Variants in LEKR1 observed in about 807,000 individuals in gnomAD.
The protein encoded by LEKR1 is leucine, glutamate and lysine rich 1, also known as protein LEKR1.
LEKR1 carries 59 observed loss-of-function variants against 72.4 expected under a neutral mutation model. The observed-to-expected ratio is 0.82, with a 90% CI of 0.66 to 1.01. The LOEUF (loss-of-function observed/expected upper bound fraction) is 1.01, where lower values mean the gene tolerates loss of function less well. Ranked by LOEUF, LEKR1 falls within the 50% of genes least tolerant of loss-of-function variation. LEKR1 has a pLI of 0.00. For missense variants in LEKR1, 728 were observed against 759.2 expected, an observed-to-expected ratio of 0.96 and a Z score of 0.48; for synonymous variants, 257 against 263.2, an observed-to-expected ratio of 0.98 and a Z score of 0.23.
In LEKR1 at chr3:156,920,681, T is replaced by C. The variant is rs771562002; in HGVS notation, c.370T>C (p.Ser124Pro). Residue 124 changes from serine (S) to proline (P), a missense_variant, in exon 4 of 13, where the codon TCA (serine) becomes CCA (proline). Coordinates refer to ENST00000356539, the MANE Select transcript of LEKR1 (RefSeq NM_001004316.3). ...QDELKIKYRQ[S>P]YIFSQRLSEY... ...TGAGCTAAAAATTAAATATAGACAA[T>C]CATACATCTTCAGGTAAGATTAAAG... is the stretch of plus-strand genomic sequence containing the variant. The C allele has an allele frequency of 7.2e-6, 10 of 1,386,350 alleles. No individual in the cohort carries two copies. The East Asian group carries it at 2.0e-4, about 28-fold the overall frequency. The allele number at this position is 1,386,350 out of a possible 1,614,324, so 85.9% of individuals were successfully genotyped here. A position where few individuals can be genotyped will look rare whatever the true frequency, so the allele number is the denominator to read the frequency against.
At chr3:156,996,457 C>T (rs367763013) in intron 9 of LEKR1, among the ~76,000 whole-genome samples, 10 of 152,222 alleles carry the variant, frequency 6.6e-5, no homozygotes, top group Admixed American at 2.6e-4. Flanking sequence ...CATGCAGGGC[C>T]TTGCAGGCCT....
At chr3:156,968,791 C>T (rs1373337493) in intron 6 of LEKR1, among the ~76,000 whole-genome samples, 2 of 152,146 alleles carry the variant, frequency 1.3e-5, no homozygotes, top group African/African-American at 4.8e-5. Flanking sequence ...ATCTACAGAA[C>T]TCTCCACCCC....
At chr3:156,989,507 G>C (rs926420333) in intron 7 of LEKR1, among the ~76,000 whole-genome samples, 3 of 151,844 alleles carry the variant, frequency 2.0e-5, no homozygotes, top group African/African-American at 7.3e-5. Context: ...GACAATAGTG[G>C]GTATTATAAC....
At chr3:156,910,939 T>C (rs1232502901) in intron 3 of LEKR1, among the ~76,000 whole-genome samples, 1 of 152,234 alleles carries the variant, frequency 6.6e-6, no homozygotes, top group Non-Finnish European at 1.5e-5. Flanking sequence ...GCTGAACTAA[T>C]TTACATTCCC....
At chr3:156,993,953 GT>G (rs1401104006) in intron 9 of LEKR1, among the ~76,000 whole-genome samples, 1 of 151,688 alleles carries the variant, frequency 6.6e-6, no homozygotes, top group Non-Finnish European at 1.5e-5. Context: ...AAATCTTAGG[GT>G]TTTTTTGTTT....
chr3:156,849,110 A>G (rs978493046), intron 2 of LEKR1, among the ~76,000 whole-genome samples: 19 of 152,152 alleles, frequency 1.2e-4, no homozygotes, highest in African/African-American at 4.3e-4. Flanking sequence ...TTATACACCA[A>G]TAACAGACAA....
chr3:156,849,328 T>C (rs1423737406), intron 2 of LEKR1, among the ~76,000 whole-genome samples: 5 of 152,082 alleles, frequency 3.3e-5, no homozygotes, highest in African/African-American at 4.8e-5. Flanking sequence ...AATGGCCATA[T>C]TGCCCAAGGT....
intron 3 of LEKR1, among the ~76,000 whole-genome samples, chr3:156,892,569 A>G: frequency 6.6e-6 from 1 of 152,206 alleles, no homozygotes; most frequent in East Asian, 1.9e-4. Flanking sequence ...ATTAACCAGA[A>G]TATGCCATCT....
chr3:156,969,916 T>C (rs1376982931), intron 6 of LEKR1, among the ~76,000 whole-genome samples: 1 of 152,202 alleles, frequency 6.6e-6, no homozygotes, highest in Non-Finnish European at 1.5e-5. Flanking sequence ...TCAAAAAGCA[T>C]ATCCACCATG....
chr3:156,966,294 T>C (rs902635285), intron 6 of LEKR1, among the ~76,000 whole-genome samples: 10 of 151,836 alleles, frequency 6.6e-5, no homozygotes, highest in African/African-American at 2.4e-4. Context: ...GGACAGTGGG[T>C]GCAGCACACC....
In LEKR1 at chr3:156,899,770, A is replaced by G. The variant is rs528601155; in HGVS notation, c.264-20805A>G. ...TGCATATATACACATATACATGCAT[A>G]TATACACATATATACACATATATAC... On this transcript the variant is annotated intron_variant, in intron 3 of 12. Coordinates refer to ENST00000356539, the MANE Select transcript of LEKR1 (RefSeq NM_001004316.3). Among the ~76,000 whole-genome samples the G allele has an allele frequency of 3.3e-4, 30 of 90,504 alleles. 1 individual carries two copies. Among genetic ancestry groups the G allele is most frequent in the African/African-American group, 9.1e-4 (27 of 29,728 alleles). The allele number at this position is 90,504 out of a possible 152,430, so 59.4% of individuals were successfully genotyped here.
At chr3:156,855,773 C>T (rs1404468251) in intron 3 of LEKR1, among the ~76,000 whole-genome samples, 1 of 152,124 alleles carries the variant, frequency 6.6e-6, no homozygotes, top group African/African-American at 2.4e-5. Flanking sequence ...CTCAAGAACC[C>T]TGGCTTTGGA....
At position 157,033,671 on chromosome 3, in the gene LEKR1, G is replaced by A. The variant is rs574765740; in HGVS notation, c.1668+5269G>A. Among the ~76,000 whole-genome samples, 3 of 152,306 alleles carry A rather than the reference G, an allele frequency of 2.0e-5. No individual in the cohort carries two copies. In the South Asian group the frequency reaches 6.2e-4, roughly 32 times the overall value. ...AGTGCTCATGTCGAAGCTGTGGTAA[G>A]TTATCCAGATCTAGCTAAGATCATT... On this transcript the variant is annotated intron_variant, in intron 12 of 12. Coordinates refer to ENST00000356539, the MANE Select transcript of LEKR1 (RefSeq NM_001004316.3).
chr3:157,028,326 A>G lies in LEKR1; in HGVS notation c.1592A>G (p.Gln531Arg). 6.2e-7 allele frequency: 1 copy of G among 1,613,480 alleles called. No homozygotes were observed. The highest frequency in any genetic ancestry group is 8.5e-7 in the Non-Finnish European group (1 of 1,179,676). ...GAAAACTTGAGGAAGGAAATGGAAC[A>G]GAAGTCGGATGAACTGAAAAGAGTA... The part of the protein sequence containing the change: ...VSENLRKEME[Q>R]KSDELKRVML... Residue 531 changes from glutamine (Q) to arginine (R), a missense_variant, in exon 12 of 13, where the codon CAG (glutamine) becomes CGG (arginine). By Grantham distance (43) the Gln-to-Arg change is conservative. Coordinates refer to ENST00000356539, the MANE Select transcript of LEKR1 (RefSeq NM_001004316.3).
At chr3:157,044,305 G>T (rs1214141310) in intron 12 of LEKR1, among the ~76,000 whole-genome samples, 1 of 152,188 alleles carries the variant, frequency 6.6e-6, no homozygotes, top group Non-Finnish European at 1.5e-5. Flanking sequence ...ATAAAGACAT[G>T]AATGTCAGGA....
intron 2 of LEKR1, among the ~76,000 whole-genome samples, chr3:156,833,740 G>A (rs186166770): frequency 2.6e-5 from 4 of 152,130 alleles, no homozygotes; most frequent in South Asian, 2.1e-4. Context: ...GATTTTGGAA[G>A]GTTTGTCAAA....
intron 12 of LEKR1, among the ~76,000 whole-genome samples, chr3:157,036,015 T>C (rs1374648805): frequency 1.3e-5 from 2 of 152,168 alleles, no homozygotes; most frequent in Non-Finnish European, 1.5e-5. Context: ...ATAAACTGTA[T>C]ACAAGCACAC....
At position 156,907,349 on chromosome 3, in the gene LEKR1, A is replaced by AT. The variant is rs1435323435; in HGVS notation, c.264-13221dup. ...TGTTCATCTGTGAATTACAGCTTGCATTTTTCCCCATTGATAAATCTTGGC... is the reference window on the plus strand; with the variant it reads ...TGTTCATCTGTGAATTACAGCTTGCATTTTTTCCCCATTGATAAATCTTGGC... On this transcript the variant is annotated intron_variant, in intron 3 of 12. Transcript: ENST00000356539. 3.9e-5 allele frequency among the ~76,000 whole-genome samples: 6 copies of AT among 152,004 alleles called. No homozygotes were observed. In the South Asian group the frequency reaches 8.3e-4, roughly 21 times the overall value.
rs115386220 is a variant in LEKR1 at position 156,997,392 on chromosome 3, G to A, written c.1109+4115G>A. On this transcript the variant is annotated intron_variant, in intron 9 of 12. Transcript: ENST00000356539. ...TTTAAATAAGAAATTTCCTTAAGCA[G>A]TTGGAGGTGTGAACATCCCTCCAAA... 7.4e-3 allele frequency among the ~76,000 whole-genome samples: 1,122 copies of A among 152,338 alleles called. 20 individuals carry two copies. The highest frequency in any genetic ancestry group is 0.026 in the African/African-American group (1,071 of 41,578).
Sources: gnomAD v4.1 joint callset for allele counts (sites outside exome capture counted in the v4.1 genomes callset) on GRCh38, gnomAD v4.1.1 for gene constraint, MANE v1.5 for transcripts, NCBI Gene and HGNC (gene_info 2026-07-23, HGNC 2026-07-21) for gene names.